DPP6: variants seen among roughly 807,000 people sequenced by gnomAD.
DPP6 encodes dipeptidyl peptidase like 6.
Under a neutral mutation model 122.6 loss-of-function variants are expected in DPP6, and 69 were observed. The observed-to-expected ratio is 0.56, with a 90% CI of 0.46 to 0.69. The LOEUF is 0.69. DPP6 is among the 30% of genes least tolerant of loss of function. The pLI, the probability that DPP6 is intolerant of heterozygous loss-of-function variation, is 0.00. For missense variants in DPP6, 928 were observed against 1,116.9 expected, an observed-to-expected ratio of 0.83 and a Z score of 2.41; for synonymous variants, 418 against 433.1, an observed-to-expected ratio of 0.97 and a Z score of 0.43.
At chr7:153,896,304 T>TA (rs1799412787) in intron 1 of DPP6, among the ~76,000 whole-genome samples, 1 of 152,188 alleles carries the variant, frequency 6.6e-6, no homozygotes. Flanking sequence ...TACATTAATC[T>TA]AAAAAATGGT....
chr7:154,837,360 G>A lies in DPP6; in HGVS notation c.1667-16420G>A, dbSNP rs543988990. On this transcript the variant is annotated intron_variant, in intron 16 of 25. Transcript: ENST00000377770. ...AACATGCACACATGCACACATGCAT[G>A]CATACAGGCACATTCACACATGCAC... is the stretch of plus-strand genomic sequence containing the variant. Among the ~76,000 whole-genome samples, 1,097 of 151,990 alleles carry A rather than the reference G, an allele frequency of 7.2e-3. 9 individuals carry two copies. The highest frequency in any genetic ancestry group is 0.031 in the Middle Eastern group (9 of 292).
rs1374650800 is a variant in DPP6, at chr7:154,334,203, AC to A, written c.244-112009del. On this transcript the variant is annotated intron_variant, in intron 1 of 25. Transcript: ENST00000377770. ...ACAGAAAATGGAAAAAAAAAAAAAA[AC>A]CTTTGCAAAGATTCTCTTTTGAGTG... Among the ~76,000 whole-genome samples the A allele has an allele frequency of 3.4e-5, 5 of 146,222 alleles. No individual in the cohort carries two copies. In the East Asian group the frequency reaches 1.0e-3, roughly 30 times the overall value.
Position 154,821,751 on chromosome 7 carries a change from GT to G in DPP6, c.1666+14642del, listed in dbSNP as rs1174262555. 6.6e-6 allele frequency among the ~76,000 whole-genome samples: 1 copy of G among 150,694 alleles called. No homozygotes were observed. The highest frequency in any genetic ancestry group is 1.5e-5 in the Non-Finnish European group (1 of 67,846). On this transcript the variant is annotated intron_variant, in intron 16 of 25. Coordinates refer to ENST00000377770, the MANE Select transcript of DPP6 (RefSeq NM_130797.4). The surrounding 1 kb of genome is among the most constrained non-coding windows in gnomAD (Gnocchi z 4.2). ...CATGGTGTTTTGTTAGTATTAAAATGTTTCCTCAAGTCAAAGTATAGCATTT... is the reference window on the plus strand; with the variant it reads ...CATGGTGTTTTGTTAGTATTAAAATGTTCCTCAAGTCAAAGTATAGCATTT...
At chr7:153,927,448 A>G (rs774766639) in intron 1 of DPP6, among the ~76,000 whole-genome samples, 4 of 152,234 alleles carry the variant, frequency 2.6e-5, no homozygotes, top group Non-Finnish European at 5.9e-5. Flanking sequence ...ACACCCTTTA[A>G]TTCATCTCTG....
intron 1 of DPP6, among the ~76,000 whole-genome samples, chr7:154,356,888 G>T (rs552192281): frequency 6.6e-6 from 1 of 152,040 alleles, no homozygotes; most frequent in Non-Finnish European, 1.5e-5. Flanking sequence ...GGCAATTAGC[G>T]AATTTTGTTG....
At chr7:154,156,955 A>G (rs1796714135) in intron 1 of DPP6, among the ~76,000 whole-genome samples, 1 of 152,290 alleles carries the variant, frequency 6.6e-6, no homozygotes, top group African/African-American at 2.4e-5. Context: ...TATTTTTTGT[A>G]CAGCATTACA....
chr7:154,378,000 G>T (rs80150885), intron 1 of DPP6, among the ~76,000 whole-genome samples: 1 of 152,202 alleles, frequency 6.6e-6, no homozygotes, highest in South Asian at 2.1e-4. Context: ...CTTAGGGACT[G>T]TCTCTTCTGG....
intron 1 of DPP6, among the ~76,000 whole-genome samples, chr7:154,358,103 G>T (rs1000700734): frequency 6.6e-6 from 1 of 152,152 alleles, no homozygotes; most frequent in Non-Finnish European, 1.5e-5. Context: ...TAATTTTTAT[G>T]ATAATCAGTC....
At chr7:154,311,168 C>A (rs1229039543) in intron 1 of DPP6, among the ~76,000 whole-genome samples, 1 of 152,032 alleles carries the variant, frequency 6.6e-6, no homozygotes, top group Non-Finnish European at 1.5e-5. Context: ...GCTTGGTTAC[C>A]CCATAGCCTT....
chr7:154,028,502 T>C (rs1799061308), intron 1 of DPP6, among the ~76,000 whole-genome samples: 1 of 151,626 alleles, frequency 6.6e-6, no homozygotes, highest in African/African-American at 2.4e-5. Flanking sequence ...CCTGGGACTG[T>C]CATCGATGTG....
chr7:154,811,884 C>T (rs891085405), intron 16 of DPP6, among the ~76,000 whole-genome samples: 1 of 152,164 alleles, frequency 6.6e-6, no homozygotes, highest in African/African-American at 2.4e-5. Context: ...CTTCCCTCCT[C>T]CTGCAGCATT....
rs1016126808 is a variant in DPP6 at position 153,965,962 on chromosome 7, T to A, written c.51+78228T>A. On this transcript the variant is annotated intron_variant, in intron 1 of 25. Coordinates refer to the DPP6 transcript ENST00000404039. ...CAAACTTGATGATGATGAAGTTCCC[T>A]ACAGAGAAAGTCACACTAGAAAGAC... 2.4e-4 allele frequency among the ~76,000 whole-genome samples: 36 copies of A among 151,682 alleles called. 1 individual carries two copies. Among genetic ancestry groups the A allele is most frequent in the African/African-American group, 8.0e-4 (33 of 41,332 alleles).
intron 3 of DPP6, 51 bp from the exon 4 acceptor site, chr7:154,540,481 G>GGA: frequency 8.7e-7 from 1 of 1,151,420 alleles, no homozygotes; most frequent in East Asian, 2.4e-5. Context: ...CAAAAGTTGA[G>GGA]GAGAGTTCCT....
At chr7:154,022,465 A>C (rs79601202) in intron 1 of DPP6, among the ~76,000 whole-genome samples, 2,159 of 152,344 alleles carry the variant, frequency 0.014, 19 homozygotes, top group East Asian at 0.049. Context: ...GATGTGAAGC[A>C]TCATGGGAAA....
chr7:153,960,070 T>G (rs1336849796), intron 1 of DPP6, among the ~76,000 whole-genome samples: 4 of 152,204 alleles, frequency 2.6e-5, no homozygotes, highest in Non-Finnish European at 5.9e-5. Context: ...TGGAGCCAAA[T>G]CAAGCAAATG....
intron 1 of DPP6, among the ~76,000 whole-genome samples, chr7:154,191,088 G>C (rs1336145210): frequency 1.3e-5 from 2 of 152,126 alleles, no homozygotes; most frequent in Non-Finnish European, 2.9e-5. Context: ...GTGAATCAGG[G>C]GTCTGTTGAT....
At chr7:154,063,451 A>AC (rs1312572853) in intron 1 of DPP6, among the ~76,000 whole-genome samples, 2 of 83,742 alleles carry the variant, frequency 2.4e-5, no homozygotes, top group Non-Finnish European at 4.8e-5. Context: ...GGGGGGAGGC[A>AC]CCTCCCGCGA....
At chr7:153,780,122 A>G in the DPP6 span, among the ~76,000 whole-genome samples, 2 of 152,036 alleles carry the variant, frequency 1.3e-5, no homozygotes, top group African/African-American at 2.4e-5. Context: ...CAAGCAAAAG[A>G]AGGTGTGTTT....
intron 5 of DPP6, among the ~76,000 whole-genome samples, chr7:154,607,990 T>C (rs1472862773): frequency 8.7e-6 from 1 of 115,130 alleles, no homozygotes; most frequent in Non-Finnish European, 1.9e-5. Flanking sequence ...TTTTTTCTTT[T>C]TTTTTTTGAG....
Sources: gnomAD v4.1 joint callset for allele counts (sites outside exome capture counted in the v4.1 genomes callset) on GRCh38, gnomAD v4.1.1 for gene constraint, Gnocchi (gnomAD v3.1) non-coding constraint, MANE v1.5 for transcripts, NCBI Gene and HGNC (gene_info 2026-07-23, HGNC 2026-07-21) for gene names.